The following ANK2 variants were observed in gnomAD, a reference collection of about 807,000 sequenced individuals.
ANK2 encodes ankyrin-2.
A neutral mutation model predicts 360.5 loss-of-function variants in ANK2; 83 were observed. The ratio of observed to expected loss-of-function variants is 0.23; its 90% CI spans 0.19 to 0.28. The LOEUF (loss-of-function observed/expected upper bound fraction) is 0.28. Ranked by LOEUF, ANK2 falls within the 10% of genes least tolerant of loss-of-function variation. The pLI is 1.00. For missense variants in ANK2, 4,201 were observed against 4,795.7 expected, an observed-to-expected ratio of 0.88 and a Z score of 3.66; for synonymous variants, 1,740 against 1,759.5, an observed-to-expected ratio of 0.99 and a Z score of 0.28.
Position 113,358,141 on chromosome 4 carries a change from G to C in ANK2, c.9523G>C (p.Val3175Leu), listed in dbSNP as rs746388702. Residue 3175 changes from valine to leucine, a missense_variant, in exon 38 of 46, where the codon GTG becomes CTG. Val to Leu is a conservative substitution (Grantham distance 32). Around this residue, in one of 4 missense-constraint regions of ANK2, gnomAD observed 2,642 missense variants for 2,714.5 expected, o/e 0.97. Coordinates refer to ENST00000357077, the MANE Select transcript of ANK2 (RefSeq NM_001148.6). ...AGCACTTTCAGAATCAAAAGAAACA[G>C]TGGATGATGAGGCAGACTTACTTCC... ...SLALSESKET[V>L]DDEADLLPDD... The C allele has an allele frequency of 1.2e-6, 2 of 1,614,100 alleles. No homozygotes were observed. Among genetic ancestry groups the C allele is most frequent in the South Asian group, 1.1e-5 (1 of 91,084 alleles).
chr4:113,106,030 CA>C (rs1169507400), intron 1 of ANK2, among the ~76,000 whole-genome samples: 2 of 152,028 alleles, frequency 1.3e-5, no homozygotes, highest in African/African-American at 4.8e-5. Flanking sequence ...TATTTTTACT[CA>C]AAAAATTATA....
intron 1 of ANK2, among the ~76,000 whole-genome samples, chr4:112,903,772 A>G (rs759764935): frequency 3.9e-5 from 6 of 152,256 alleles, no homozygotes; most frequent in Non-Finnish European, 5.9e-5. Flanking sequence ...ATAATAAAAA[A>G]AGAAGACTTC....
Position 113,369,793 on chromosome 4 carries a change from A to C in ANK2, c.11598A>C (p.Ala3866=). The C allele has an allele frequency of 1.2e-6, 2 of 1,614,126 alleles. No homozygotes were observed. Among genetic ancestry groups the C allele is most frequent in the South Asian group, 2.2e-5 (2 of 91,078 alleles). The part of the protein sequence containing the change: ...PETCERLDED[A]AFEKGDDMPE... ...CCTGTGAAAGACTCGATGAAGATGC[A>C]GCTTTTGAAAAGGTAAGACATTCCT... The change falls in exon 43 of 46, where the codon GCA becomes GCC. Residue 3866 remains alanine (A), a synonymous_variant. Transcript: ENST00000357077.
chr4:113,288,006 A>G (rs1258532661), intron 19 of ANK2, among the ~76,000 whole-genome samples: 1 of 151,950 alleles, frequency 6.6e-6, no homozygotes, highest in Non-Finnish European at 1.5e-5. Context: ...TTCCTCTTCT[A>G]TTTGCTCATC....
rs1319361708 is a variant in ANK2, at chr4:113,277,882, G to A, written c.1729G>A (p.Asp577Asn). Residue 577 changes from aspartate (D) to asparagine (N), a missense_variant, in exon 16 of 46, where the codon GAT becomes AAT. Asp to Asn is a conservative substitution (Grantham distance 23). Around this residue, in one of 4 missense-constraint regions of ANK2, gnomAD observed 1,268 missense variants for 1,650.8 expected, o/e 0.77. Coordinates refer to ENST00000357077, the MANE Select transcript of ANK2 (RefSeq NM_001148.6). ...LHVAAKYGSLDVAKLLLQRRA... is the reference protein window; with the variant it reads ...LHVAAKYGSLNVAKLLLQRRA... The stretch of plus-strand genomic sequence containing the variant: ...TGTAGCAGCCAAGTATGGAAGCCTG[G>A]ATGTGGCAAAACTTCTCTTGCAACG... 3 of 1,614,000 alleles carry A rather than the reference G, an allele frequency of 1.9e-6. No homozygotes were observed. The highest frequency in any genetic ancestry group is 8.5e-7 in the Non-Finnish European group (1 of 1,179,968).
intron 4 of ANK2, among the ~76,000 whole-genome samples, chr4:113,202,590 T>C (rs2098846450): frequency 6.6e-6 from 1 of 152,234 alleles, no homozygotes; most frequent in Non-Finnish European, 1.5e-5. Context: ...CCGAGTTATT[T>C]GCAAACAGAC....
intron 1 of ANK2, among the ~76,000 whole-genome samples, chr4:113,068,637 T>A (rs1160232002): frequency 2.0e-5 from 3 of 152,210 alleles, no homozygotes; most frequent in Non-Finnish European, 4.4e-5. Flanking sequence ...ATTGTATGTT[T>A]GCATTACAGA....
chr4:113,251,473 A>ATCT (rs1465509618), intron 10 of ANK2, among the ~76,000 whole-genome samples: 3 of 142,842 alleles, frequency 2.1e-5, no homozygotes, highest in Non-Finnish European at 3.1e-5. Flanking sequence ...ATAATACAAA[A>ATCT]TCTTTTTTTT....
At chr4:113,190,343 C>G (rs111828146) in intron 2 of ANK2, among the ~76,000 whole-genome samples, 14 of 152,134 alleles carry the variant, frequency 9.2e-5, no homozygotes, top group African/African-American at 2.6e-4. Flanking sequence ...CTGCTGGGCT[C>G]AAGCAATCCT....
chr4:113,290,796 T>G (rs2067155857), intron 20 of ANK2, among the ~76,000 whole-genome samples: 1 of 152,220 alleles, frequency 6.6e-6, no homozygotes, highest in Admixed American at 6.5e-5. Flanking sequence ...AAACTGGGGC[T>G]TAGAGAGGAT....
chr4:113,373,144 G>C lies in ANK2; in HGVS notation c.11665G>C (p.Asp3889His), dbSNP rs994135691. The change falls in exon 44 of 46, where the codon GAT becomes CAT. Residue 3889 changes from aspartate (D) to histidine (H), a missense_variant. Physicochemically the swap from Asp to His is moderately conservative, Grantham distance 81. This residue lies in a region of ANK2 where 2,642 missense variants were observed against 2,714.5 expected (regional missense o/e 0.97). Transcript: ENST00000357077. ...AACAGTCACAGAAGAAGAATACATT[G>C]ATGAGCATGGACACACCGTGGTAAA... ...PETVTEEEYIDEHGHTVVKKV... is the reference protein window; with the variant it reads ...PETVTEEEYIHEHGHTVVKKV... 3.1e-6 allele frequency: 5 copies of C among 1,613,980 alleles called. No homozygotes were observed. In the African/African-American group the frequency reaches 6.7e-5, roughly 22 times the overall value.
intron 2 of ANK2, among the ~76,000 whole-genome samples, chr4:112,910,900 T>C (rs996222452): frequency 2.0e-5 from 3 of 152,072 alleles, no homozygotes; most frequent in Non-Finnish European, 2.9e-5. Context: ...TTTATCATAA[T>C]TGGCAGAAGC....
intron 10 of ANK2, among the ~76,000 whole-genome samples, chr4:113,253,828 A>G (rs943752097): frequency 1.3e-5 from 2 of 152,126 alleles, no homozygotes; most frequent in East Asian, 3.9e-4. Context: ...CACAGCAGCA[A>G]GAGTAATCCT....
At chr4:113,084,849 C>T (rs1225880951) in intron 1 of ANK2, among the ~76,000 whole-genome samples, 1 of 152,184 alleles carries the variant, frequency 6.6e-6, no homozygotes, top group African/African-American at 2.4e-5. Flanking sequence ...TTGCAAAGTA[C>T]TTCCAAGTCC....
chr4:112,981,237 G>A (rs1347040007), intron 2 of ANK2, among the ~76,000 whole-genome samples: 1 of 152,238 alleles, frequency 6.6e-6, no homozygotes, highest in African/African-American at 2.4e-5. Context: ...CAAGTAATTT[G>A]GGTATGAAAT....
intron 2 of ANK2, among the ~76,000 whole-genome samples, chr4:112,913,473 T>C (rs1054970155): frequency 6.6e-6 from 1 of 152,248 alleles, no homozygotes; most frequent in African/African-American, 2.4e-5. Flanking sequence ...CTTTGGACTT[T>C]TACTTATTCC....
At chr4:113,190,674 A>C (rs1476220274) in intron 2 of ANK2, among the ~76,000 whole-genome samples, 1 of 152,100 alleles carries the variant, frequency 6.6e-6, no homozygotes, top group Non-Finnish European at 1.5e-5. Flanking sequence ...TGAAAAGGGG[A>C]GGAGGTTTAA....
At chr4:112,957,013 T>C (rs370281236) in intron 2 of ANK2, among the ~76,000 whole-genome samples, 4,136 of 146,032 alleles carry the variant, frequency 0.028, 66 homozygotes, top group Non-Finnish European at 0.043. Flanking sequence ...TCTTGTTTTT[T>C]TTTTTTTTTT....
chr4:113,285,140 GT>G (rs140312322), intron 18 of ANK2, among the ~76,000 whole-genome samples: 2,660 of 148,698 alleles, frequency 0.018, 85 homozygotes, highest in African/African-American at 0.058. Context: ...TATTAGAAAA[GT>G]TTTTTTTTTT....
Sources: gnomAD v4.1 joint callset for allele counts (sites outside exome capture counted in the v4.1 genomes callset) on GRCh38, gnomAD v4.1.1 for gene constraint, gnomAD v4.1.1 regional missense constraint, MANE v1.5 for transcripts, NCBI Gene and HGNC (gene_info 2026-07-23, HGNC 2026-07-21) for gene names.